Variants in PLCE1 observed in about 807,000 individuals in gnomAD.
The protein encoded by PLCE1 is phospholipase C epsilon 1.
Under a neutral mutation model 242.8 loss-of-function variants are expected in PLCE1, and 119 were observed. That is an observed-to-expected ratio of 0.49 (90% CI 0.42 to 0.57). The LOEUF (loss-of-function observed/expected upper bound fraction) is 0.57, where lower values mean the gene tolerates loss of function less well. Among genes scored for constraint, PLCE1 ranks in the 20% least tolerant of loss-of-function variants. PLCE1 has a pLI of 0.00. For synonymous variants in PLCE1, 945 were observed against 1,017.4 expected (o/e 0.93, Z 1.35); for missense variants, 2,441 against 2,788.8 (o/e 0.88, Z 2.81).
At chr10:94,033,770 C>G (rs941860797) in intron 2 of PLCE1, among the ~76,000 whole-genome samples, 4 of 152,232 alleles carry the variant, frequency 2.6e-5, no homozygotes, top group Middle Eastern at 3.4e-3. Context: ...TTCAGTCATT[C>G]TCTATGTGAA....
chr10:94,293,505 C>CA lies in PLCE1; in HGVS notation c.5036-2dup. On this transcript the variant is annotated splice_region_variant and splice_polypyrimidine_tract_variant and intron_variant, in intron 22 of 32. Coordinates refer to ENST00000371380, the MANE Select transcript of PLCE1 (RefSeq NM_016341.4). ...CTTATTTATTTTCATTTTATGGGAACAGGACTGTCAACTCTAAATGCATCT... is the reference window on the plus strand; with the variant it reads ...CTTATTTATTTTCATTTTATGGGAACAAGGACTGTCAACTCTAAATGCATCT... The CA allele has an allele frequency of 6.2e-7, 1 of 1,613,052 alleles. No individual in the cohort carries two copies. Among genetic ancestry groups the CA allele is most frequent in the East Asian group, 2.2e-5 (1 of 44,812 alleles).
intron 23 of PLCE1, 135 bp downstream of exon 23, chr10:94,293,774 A>T (rs2133456579): frequency 9.7e-7 from 1 of 1,030,796 alleles, no homozygotes; most frequent in African/African-American, 1.6e-5. Context: ...TATAGTATAA[A>T]TTTTTGTAAT....
chr10:94,205,561 A>G (rs2136855016), intron 4 of PLCE1, among the ~76,000 whole-genome samples: 1 of 152,394 alleles, frequency 6.6e-6, no homozygotes, highest in Non-Finnish European at 1.5e-5. Context: ...AAAGAGGACC[A>G]GCTGGCAAGA....
At chr10:94,324,677 G>A in intron 31 of PLCE1, 110 bp downstream of exon 31, 4 of 1,054,932 alleles carry the variant, frequency 3.8e-6, no homozygotes, top group South Asian at 2.6e-5. Flanking sequence ...CTGAGTCAAG[G>A]AATGGAGTTA....
At chr10:94,128,256 G>A (rs56070315) in intron 2 of PLCE1, among the ~76,000 whole-genome samples, 3,123 of 152,250 alleles carry the variant, frequency 0.021, 116 homozygotes, top group African/African-American at 0.07. Flanking sequence ...AAAGTGCTGG[G>A]ATTACAGGTG....
At chr10:94,083,007 G>A (rs958549461) in intron 2 of PLCE1, among the ~76,000 whole-genome samples, 1 of 152,184 alleles carries the variant, frequency 6.6e-6, no homozygotes, top group Non-Finnish European at 1.5e-5. Flanking sequence ...AAAATTTTAA[G>A]AGGAATATTT....
At chr10:94,202,985 T>G (rs753304745) in intron 4 of PLCE1, among the ~76,000 whole-genome samples, 17 of 152,242 alleles carry the variant, frequency 1.1e-4, no homozygotes, top group Non-Finnish European at 2.2e-4. Context: ...CGCTCTAACC[T>G]GACTTAGGTG....
intron 4 of PLCE1, among the ~76,000 whole-genome samples, chr10:94,220,248 C>A (rs2049680185): frequency 6.7e-6 from 1 of 150,330 alleles, no homozygotes; most frequent in African/African-American, 2.4e-5. Context: ...ATATATGTAG[C>A]CAAGCACAGT....
chr10:94,013,736 A>G (rs957949472), intron 1 of PLCE1, among the ~76,000 whole-genome samples: 2 of 152,200 alleles, frequency 1.3e-5, no homozygotes, highest in African/African-American at 4.8e-5. Flanking sequence ...TCAAATGACA[A>G]CCAGGCAGGG....
chr10:94,236,377 A>G (rs1757069277), intron 7 of PLCE1, among the ~76,000 whole-genome samples: 1 of 152,182 alleles, frequency 6.6e-6, no homozygotes, highest in South Asian at 2.1e-4. Flanking sequence ...AAAAAAAACA[A>G]AAACCTAGAG....
At chr10:94,094,837 G>C (rs1033636250) in intron 2 of PLCE1, 1 of 152,134 alleles carries the variant, frequency 6.6e-6, no homozygotes, top group African/African-American at 2.4e-5. Context: ...GTGGTCTCGG[G>C]TGCAAAAGGG....
At chr10:94,210,066 C>T (rs1236604079) in intron 4 of PLCE1, among the ~76,000 whole-genome samples, 1 of 152,012 alleles carries the variant, frequency 6.6e-6, no homozygotes, top group Non-Finnish European at 1.5e-5. Flanking sequence ...GAATATTTGT[C>T]CAGTCAACAG....
rs1338726854 is a variant in PLCE1 at position 94,313,321 on chromosome 10, C to T, written c.6071C>T (p.Pro2024Leu). The T allele has an allele frequency of 1.2e-6, 2 of 1,614,000 alleles. No homozygotes were observed. The highest frequency in any genetic ancestry group is 4.5e-5 in the East Asian group (2 of 44,896). Residue 2024 changes from proline (P) to leucine (L), a missense_variant, in exon 28 of 33, where the codon CCA becomes CTA. Around this residue, in one of 5 missense-constraint regions of PLCE1, gnomAD observed 1,004 missense variants for 1,322.7 expected, o/e 0.76. Coordinates refer to ENST00000371380, the MANE Select transcript of PLCE1 (RefSeq NM_016341.4). ...HRVTVHGVPG[P>L]EPFTVFTING... ...GTCACGGTGCATGGGGTCCCAGGGC[C>T]AGAGCCCTTTACCGTTTTCACTATT... is the stretch of plus-strand genomic sequence containing the variant.
At chr10:94,076,526 T>C (rs931197203) in intron 2 of PLCE1, among the ~76,000 whole-genome samples, 2 of 152,174 alleles carry the variant, frequency 1.3e-5, no homozygotes, top group Non-Finnish European at 2.9e-5. Context: ...GGTTGTCTTT[T>C]TTCCTACCAG....
chr10:94,159,929 C>A (rs985520897), intron 3 of PLCE1, among the ~76,000 whole-genome samples: 19 of 152,100 alleles, frequency 1.2e-4, no homozygotes, highest in African/African-American at 4.6e-4. Flanking sequence ...TCATCCATGT[C>A]CCTAAAAAGA....
intron 16 of PLCE1, 149 bp downstream of exon 16, chr10:94,266,107 GA>G: frequency 1.3e-6 from 1 of 744,818 alleles, no homozygotes. Context: ...TGATGTGTGG[GA>G]AAACTGGCTA....
At chr10:94,003,847 C>G (rs759411381) in intron 1 of PLCE1, among the ~76,000 whole-genome samples, 1 of 152,066 alleles carries the variant, frequency 6.6e-6, no homozygotes. Flanking sequence ...AAATGAAATG[C>G]CTTTTAAAAA....
At position 94,031,249 on chromosome 10, in the gene PLCE1, A is replaced by G. The variant is rs983406494; in HGVS notation, c.203A>G (p.Asn68Ser). The G allele has an allele frequency of 6.2e-7, 1 of 1,613,762 alleles. No homozygotes were observed. Among genetic ancestry groups the G allele is most frequent in the African/African-American group, 1.3e-5 (1 of 74,910 alleles). The change falls in exon 2 of 33, where the codon AAC (asparagine) becomes AGC (serine). Residue 68 changes from asparagine (N) to serine (S), a missense_variant. This residue lies in a region of PLCE1 where 393 missense variants were observed against 378.5 expected (regional missense o/e 1.04). Transcript: ENST00000371380. ...CTTAAAGAAGAACCTTCTGGAAGCA[A>G]CTTGCCAAAGATTCTCTCAATAGCG... ...NKLKEEPSGS[N>S]LPKILSIARE...
chr10:94,173,435 C>T (rs2048041949), intron 4 of PLCE1, among the ~76,000 whole-genome samples: 1 of 152,126 alleles, frequency 6.6e-6, no homozygotes. Flanking sequence ...ATGAAAGTTC[C>T]AGTAAACTGA....
Sources: gnomAD v4.1 joint callset for allele counts (sites outside exome capture counted in the v4.1 genomes callset) on GRCh38, gnomAD v4.1.1 for gene constraint, gnomAD v4.1.1 regional missense constraint, MANE v1.5 for transcripts, NCBI Gene and HGNC (gene_info 2026-07-23, HGNC 2026-07-21) for gene names.